The following TULP4 variants were observed in gnomAD, a reference collection of about 807,000 sequenced individuals.
The protein encoded by TULP4 is tubby-related protein 4.
TULP4 carries 16 observed loss-of-function variants against 129.0 expected under a neutral mutation model. That is an observed-to-expected ratio of 0.12 (90% CI 0.08 to 0.19). The LOEUF (loss-of-function observed/expected upper bound fraction) is 0.19, where lower values mean the gene tolerates loss of function less well. TULP4 is among the 10% of genes least tolerant of loss of function. The probability of loss-of-function intolerance (pLI) is 1.00; values close to 1 mark genes in which losing one functional copy is unlikely to be tolerated. For missense variants in TULP4, 1,842 were observed against 2,059.1 expected, an observed-to-expected ratio of 0.89 and a Z score of 2.04; for synonymous variants, 998 against 854.0, an observed-to-expected ratio of 1.17 and a Z score of -2.94.
chr6:158,450,390 C>T (rs1200144004), intron 4 of TULP4, among the ~76,000 whole-genome samples: 1 of 122,090 alleles, frequency 8.2e-6, no homozygotes, highest in African/African-American at 4.0e-5. Flanking sequence ...GTGTTGTCTT[C>T]TCTTTCCTGT....
intron 1 of TULP4, among the ~76,000 whole-genome samples, chr6:158,253,449 C>T (rs946811118): frequency 2.6e-5 from 4 of 152,054 alleles, no homozygotes; most frequent in Non-Finnish European, 5.9e-5. Flanking sequence ...ATGGAGAGGG[C>T]GGGCAGGGAA....
intron 1 of TULP4, among the ~76,000 whole-genome samples, chr6:158,243,979 C>G (rs1020902188): frequency 8.6e-5 from 13 of 151,696 alleles, no homozygotes; most frequent in Non-Finnish European, 8.8e-5. Flanking sequence ...CCTTGATTTA[C>G]CAGTTTTCAA....
intron 1 of TULP4, among the ~76,000 whole-genome samples, chr6:158,384,176 C>A (rs893288523): frequency 2.6e-5 from 4 of 152,122 alleles, no homozygotes; most frequent in African/African-American, 9.7e-5. Context: ...ATTTCTCTAG[C>A]ATGTAAAGCC....
rs1780057811 is a variant in TULP4, at chr6:158,486,094, A to G, written c.1487-3494A>G. Among the ~76,000 whole-genome samples the G allele has an allele frequency of 3.3e-5, 5 of 152,204 alleles. No individual in the cohort carries two copies. In the South Asian group the frequency reaches 1.0e-3, roughly 32 times the overall value. ...TGAATATATTTTGCATGGGAGAAGA[A>G]CATGAATCTGAGAGTGGCCAGGAGT... On this transcript the variant is annotated intron_variant, in intron 8 of 13. Coordinates refer to ENST00000367097, the MANE Select transcript of TULP4 (RefSeq NM_020245.5).
chr6:158,273,784 T>C (rs1036661695), intron 1 of TULP4, among the ~76,000 whole-genome samples: 4 of 152,212 alleles, frequency 2.6e-5, no homozygotes, highest in African/African-American at 7.2e-5. Flanking sequence ...GTTGTGGTAA[T>C]AGTGATAGCT....
At chr6:158,333,506 C>T (rs1779961160) in intron 1 of TULP4, among the ~76,000 whole-genome samples, 1 of 152,196 alleles carries the variant, frequency 6.6e-6, no homozygotes, top group South Asian at 2.1e-4. Flanking sequence ...TTTGATATGG[C>T]AGCACAAGCA....
chr6:158,356,110 C>T (rs1201501615), intron 1 of TULP4, among the ~76,000 whole-genome samples: 1 of 152,148 alleles, frequency 6.6e-6, no homozygotes, highest in African/African-American at 2.4e-5. Context: ...TTACATTATA[C>T]TTCAATAAAG....
In TULP4 at chr6:158,271,433, G is replaced by T. The variant is rs530611636; in HGVS notation, n.68+39130G>T. On this transcript the variant is annotated intron_variant and non_coding_transcript_variant, in intron 1 of 1. Transcript: ENST00000620026. ...GATAGGGTTTCTTTAATCCATTTTA[G>T]AATTTTTTTTTTTTTTTTGAGATAG... Among the ~76,000 whole-genome samples the T allele has an allele frequency of 7.3e-4, 105 of 144,022 alleles. 1 individual carries two copies. Among genetic ancestry groups the T allele is most frequent in the Non-Finnish European group, 9.3e-4 (60 of 64,606 alleles). 94.5% of individuals were successfully genotyped at this position (144,022 alleles called of 152,430 possible). A position where few individuals can be genotyped will look rare whatever the true frequency, so the allele number is the denominator to read the frequency against.
chr6:158,282,175 A>G (rs1196820285), upstream of TULP4: 1 of 152,090 alleles, frequency 6.6e-6, no homozygotes, highest in African/African-American at 2.4e-5. Context: ...ACAACAGTGC[A>G]TGTTCATTTT....
chr6:158,439,420 A>G (rs774391116), intron 3 of TULP4, among the ~76,000 whole-genome samples: 9 of 152,010 alleles, frequency 5.9e-5, no homozygotes, highest in Non-Finnish European at 1.2e-4. Flanking sequence ...TACACAGGGC[A>G]CAGAGCAGCT....
At chr6:158,399,886 A>G (rs1421834028) in intron 1 of TULP4, among the ~76,000 whole-genome samples, 1 of 152,176 alleles carries the variant, frequency 6.6e-6, no homozygotes, top group African/African-American at 2.4e-5. Flanking sequence ...AGAACACTCT[A>G]AAAGAGCTTG....
intron 3 of TULP4, among the ~76,000 whole-genome samples, chr6:158,439,506 C>A (rs1778833368): frequency 6.6e-6 from 1 of 151,976 alleles, no homozygotes; most frequent in South Asian, 2.1e-4. Flanking sequence ...GCAGCTCTCA[C>A]TTCCTCAAAG....
intron 1 of TULP4, among the ~76,000 whole-genome samples, chr6:158,330,524 T>C (rs567618367): frequency 9.2e-5 from 14 of 152,350 alleles, no homozygotes; most frequent in South Asian, 4.1e-4. Flanking sequence ...TAAGGTGTTC[T>C]TCCCCCCTGG....
chr6:158,276,126 T>C (rs535912402), intron 1 of TULP4, among the ~76,000 whole-genome samples: 8 of 151,802 alleles, frequency 5.3e-5, no homozygotes, highest in Non-Finnish European at 1.2e-4. Context: ...CGCGCCACCA[T>C]GCCCGGCTAG....
Position 158,454,022 on chromosome 6 carries a change from C to T in TULP4, c.859+1754C>T, listed in dbSNP as rs1408988084. 6.3e-5 allele frequency among the ~76,000 whole-genome samples: 6 copies of T among 94,680 alleles called. 1 individual carries two copies. The highest frequency in any genetic ancestry group is 1.6e-4 in the Non-Finnish European group (6 of 38,282). 62.1% of individuals were successfully genotyped at this position (94,680 alleles called of 152,430 possible). On this transcript the variant is annotated intron_variant, in intron 5 of 13. Transcript: ENST00000367097. ...AAGAATCATACCTGCCTCTGCACCGCCCCCCCCCAAGTAATTACTCTATTT... is the reference window on the plus strand; with the variant it reads ...AAGAATCATACCTGCCTCTGCACCGTCCCCCCCCAAGTAATTACTCTATTT...
intron 1 of TULP4, among the ~76,000 whole-genome samples, chr6:158,377,665 G>A (rs571007661): frequency 8.5e-5 from 13 of 152,218 alleles, no homozygotes; most frequent in African/African-American, 2.4e-4. Flanking sequence ...CAAGTCTAGC[G>A]GGTGGCTGAC....
chr6:158,264,273 T>C (rs141866990), intron 1 of TULP4, among the ~76,000 whole-genome samples: 69 of 152,254 alleles, frequency 4.5e-4, no homozygotes, highest in African/African-American at 1.5e-3. Flanking sequence ...GTGAGGGCAG[T>C]GGCGTGTGTC....
chr6:158,249,358 T>TTTTTTTTTTTTTTTTGAG (rs1554273920), intron 1 of TULP4, among the ~76,000 whole-genome samples: 1 of 152,146 alleles, frequency 6.6e-6, no homozygotes, highest in African/African-American at 2.4e-5. Flanking sequence ...CAATAACTCT[T>TTTTTTTTTTTTTTTTGAG]AATAAAAGAC....
chr6:158,340,861 T>C (rs1450886216), intron 1 of TULP4, among the ~76,000 whole-genome samples: 1 of 152,200 alleles, frequency 6.6e-6, no homozygotes, highest in African/African-American at 2.4e-5. Context: ...AGTTAGAGCC[T>C]TTGTGGGATT....
Sources: gnomAD v4.1 joint callset for allele counts (sites outside exome capture counted in the v4.1 genomes callset) on GRCh38, gnomAD v4.1.1 for gene constraint, MANE v1.5 for transcripts, NCBI Gene and HGNC (gene_info 2026-07-23, HGNC 2026-07-21) for gene names.